OR51M1: variants seen among roughly 807,000 people sequenced by gnomAD.
OR51M1 encodes olfactory receptor family 51 subfamily M member 1.
For missense variants in OR51M1, 509 were observed against 404.4 expected (o/e 1.26, Z -2.22); for synonymous variants, 199 against 155.1 (o/e 1.28, Z -2.10).
chr11:5,388,092 GAAT>G (rs952662122), intron 2 of OR51M1, among the ~76,000 whole-genome samples: 9 of 151,840 alleles, frequency 5.9e-5, no homozygotes, highest in Middle Eastern at 3.2e-3. Context: ...ATCAATTAAT[GAAT>G]AATTATTGAA....
At chr11:5,385,801 TAAAAAA>T (rs1849682360) in intron 2 of OR51M1, among the ~76,000 whole-genome samples, 1 of 142,186 alleles carries the variant, frequency 7.0e-6, no homozygotes, top group South Asian at 2.2e-4. Context: ...TACTTATATA[TAAAAAA>T]TCTATAAAGT....
Position 5,390,088 on chromosome 11 carries a change from T to G in OR51M1, c.690T>G (p.Tyr230Ter). ...ACCTGGTGCTCATCGCACTGTCCTATGGACTCATCCTGCACACAGTAGCAG... is the reference window on the plus strand; with the variant it reads ...ACCTGGTGCTCATCGCACTGTCCTAGGGACTCATCCTGCACACAGTAGCAG... ...MLDLVLIALS[Y>*]GLILHTVAGL... The change falls in exon 3 of 3, where the codon TAT (tyrosine) becomes TAG (stop). Residue 230 changes from tyrosine (Y) to a stop codon, truncating the protein, a stop_gained. Coordinates refer to ENST00000642046, the MANE Select transcript of OR51M1 (RefSeq NM_001004756.3). LOFTEE classifies it low-confidence loss of function (END_TRUNC). The G allele has an allele frequency of 6.2e-7, 1 of 1,613,804 alleles. No individual in the cohort carries two copies. Among genetic ancestry groups the G allele is most frequent in the Non-Finnish European group, 8.5e-7 (1 of 1,179,906 alleles).
At chr11:5,386,401 G>T (rs958107271) in intron 2 of OR51M1, among the ~76,000 whole-genome samples, 1 of 152,134 alleles carries the variant, frequency 6.6e-6, no homozygotes, top group Non-Finnish European at 1.5e-5. Context: ...GCCTTGGGAT[G>T]ATTGTTTACC....
At position 5,383,859 on chromosome 11, in the gene OR51M1, C is replaced by T. The variant is rs1184351596; in HGVS notation, c.-180C>T. 1 of 152,216 alleles carries T rather than the reference C, an allele frequency of 6.6e-6. No homozygotes were observed. The highest frequency in any genetic ancestry group is 2.1e-4 in the South Asian group (1 of 4,830). 9.4% of individuals were successfully genotyped at this position (152,216 alleles called of 1,614,324 possible). A position where few individuals can be genotyped will look rare whatever the true frequency, so the allele number is the denominator to read the frequency against. ...GACCCTTGTGTCATCCTTATCTATA[C>T]TCTTCTTTCTTCCTTTGGAACCTAC... On this transcript the variant is annotated 5_prime_UTR_variant, in exon 1 of 3. Transcript: ENST00000642046.
chr11:5,384,185 T>C (rs1849651158), intron 1 of OR51M1, among the ~76,000 whole-genome samples: 1 of 152,212 alleles, frequency 6.6e-6, no homozygotes, highest in African/African-American at 2.4e-5. Flanking sequence ...CTTTGTTTGT[T>C]GTTTTTAGAA....
At position 5,390,151 on chromosome 11, in the gene OR51M1, G is replaced by A; in HGVS notation, c.753G>A (p.Gln251=). The A allele has an allele frequency of 1.2e-6, 2 of 1,613,874 alleles. No homozygotes were observed. Among genetic ancestry groups the A allele is most frequent in the South Asian group, 2.2e-5 (2 of 91,074 alleles). ...ASQEEQRRAF[Q]TCTAPLCAVL... Reference sequence around the variant, plus strand: ...AAGAGGAGCAGCGCCGTGCCTTTCAGACATGCACCGCTCCTCTCTGTGCTG... The same window carrying A: ...AAGAGGAGCAGCGCCGTGCCTTTCAAACATGCACCGCTCCTCTCTGTGCTG... Residue 251 remains glutamine (Q), a synonymous_variant, in exon 3 of 3, where the codon CAG becomes CAA. Transcript: ENST00000642046.
chr11:5,386,746 C>A (rs1849701263), intron 2 of OR51M1, among the ~76,000 whole-genome samples: 1 of 151,246 alleles, frequency 6.6e-6, no homozygotes, highest in African/African-American at 2.4e-5. Flanking sequence ...AGGACATTGG[C>A]TACAGAGATG....
At chr11:5,387,441 A>G (rs1849713215) in intron 2 of OR51M1, among the ~76,000 whole-genome samples, 1 of 152,146 alleles carries the variant, frequency 6.6e-6, no homozygotes, top group African/African-American at 2.4e-5. Flanking sequence ...AAGAAATGGA[A>G]AAGATAAATG....
intron 2 of OR51M1, among the ~76,000 whole-genome samples, chr11:5,389,104 G>A (rs7935520): frequency 0.79 from 119,233 of 151,694 alleles, 47,232 homozygotes; most frequent in Middle Eastern, 0.84. Context: ...ATAGAATATG[G>A]CCAGGAAATT....
intron 2 of OR51M1, among the ~76,000 whole-genome samples, chr11:5,386,702 G>A (rs573830338): frequency 2.6e-5 from 4 of 151,992 alleles, no homozygotes; most frequent in South Asian, 2.1e-4. Flanking sequence ...TTGAATGACA[G>A]GTCAGGCAAG....
rs117733673 is a variant in OR51M1, at chr11:5,391,973, G to C, written c.*1594G>C. 2.0e-5 allele frequency: 3 copies of C among 152,270 alleles called. No individual in the cohort carries two copies. Among genetic ancestry groups the C allele is most frequent in the Non-Finnish European group, 4.4e-5 (3 of 68,100 alleles). The allele number at this position is 152,270 out of a possible 1,614,324, so 9.4% of individuals were successfully genotyped here. A position where few individuals can be genotyped will look rare whatever the true frequency, so the allele number is the denominator to read the frequency against. ...AGTCTCAGCTACCTGGGAGGCTGAG[G>C]TGGGAAGAATGCTTGAGCCCAGGAG... On this transcript the variant is annotated 3_prime_UTR_variant, in exon 3 of 3. Coordinates refer to ENST00000642046, the MANE Select transcript of OR51M1 (RefSeq NM_001004756.3).
At chr11:5,387,968 AAAGT>A (rs1194584792) in intron 2 of OR51M1, among the ~76,000 whole-genome samples, 18 of 152,116 alleles carry the variant, frequency 1.2e-4, no homozygotes, top group Admixed American at 1.0e-3. Flanking sequence ...CCTAGGTGTA[AAAGT>A]AATTGCAGTT....
Position 5,390,643 on chromosome 11 carries a change from T to C in OR51M1, c.*264T>C. The C allele has an allele frequency of 5.0e-6, 2 of 402,326 alleles. No homozygotes were observed. The highest frequency in any genetic ancestry group is 8.8e-6 in the Non-Finnish European group (2 of 226,812). 24.9% of individuals were successfully genotyped at this position (402,326 alleles called of 1,614,324 possible). ...AAGGCAACTTTATTGAAGGTCATCA[T>C]CAATGTAACTAAAACTAAAATGAAA... On this transcript the variant is annotated 3_prime_UTR_variant, in exon 3 of 3. Transcript: ENST00000642046.
rs1498468 is a variant in OR51M1 at position 5,389,801 on chromosome 11, C to T, written c.403C>T (p.Leu135Phe). The change falls in exon 3 of 3, where the codon CTT becomes TTT. Residue 135 changes from leucine (L) to phenylalanine (F), a missense_variant. Physicochemically the swap from Leu to Phe is conservative, Grantham distance 22. Coordinates refer to ENST00000642046, the MANE Select transcript of OR51M1 (RefSeq NM_001004756.3). ...SVLLMMSFDR[L>F]VAICHPLRYS... ...GCTCCTCATGATGTCCTTTGACCGC[C>T]TTGTGGCCATCTGCCACCCTCTGAG... The T allele has an allele frequency of 0.8, 1,288,314 of 1,613,746 alleles. 517,613 individuals carry two copies. The highest frequency in any genetic ancestry group is 0.83 in the Middle Eastern group (5,009 of 6,062).
chr11:5,386,158 TG>T (rs1026659898), intron 2 of OR51M1, among the ~76,000 whole-genome samples: 1 of 151,922 alleles, frequency 6.6e-6, no homozygotes, highest in African/African-American at 2.4e-5. Flanking sequence ...AAAACAGGGG[TG>T]GTTTTTGCCA....
At chr11:5,387,315 C>G (rs1849710223) in intron 2 of OR51M1, among the ~76,000 whole-genome samples, 1 of 152,070 alleles carries the variant, frequency 6.6e-6, no homozygotes. Context: ...GATTAAGACT[C>G]TCCATTGCAT....
In OR51M1 at chr11:5,386,216, G is replaced by T. The variant is rs144939696; in HGVS notation, c.-16+758G>T. 2.0e-5 allele frequency among the ~76,000 whole-genome samples: 3 copies of T among 152,202 alleles called. No homozygotes were observed. In the East Asian group the frequency reaches 5.8e-4, roughly 29 times the overall value. The stretch of plus-strand genomic sequence containing the variant: ...AATAAAAACAAGAAAAGTATGTGTA[G>T]GGAATTGAAGAAAAAAATGATATGG... On this transcript the variant is annotated intron_variant, in intron 2 of 2. Transcript: ENST00000642046.
At position 5,389,540 on chromosome 11, in the gene OR51M1, A is replaced by G; in HGVS notation, c.142A>G (p.Met48Val). 6.2e-7 allele frequency: 1 copy of G among 1,613,906 alleles called. No homozygotes were observed. Among genetic ancestry groups the G allele is most frequent in the Non-Finnish European group, 8.5e-7 (1 of 1,179,870 alleles). ...WIFIPFFFMY[M>V]VAISGNCFIL... Reference sequence around the variant, plus strand: ...TTTCATCCCCTTTTTCTTTATGTACATGGTTGCCATCTCAGGCAATTGTTT... The same window carrying G: ...TTTCATCCCCTTTTTCTTTATGTACGTGGTTGCCATCTCAGGCAATTGTTT... The change falls in exon 3 of 3, where the codon ATG becomes GTG. Residue 48 changes from methionine (M) to valine (V), a missense_variant. Physicochemically the swap from Met to Val is conservative, Grantham distance 21. Transcript: ENST00000642046.
chr11:5,390,483 C>T lies in OR51M1; in HGVS notation c.*104C>T, dbSNP rs1043359259. The T allele has an allele frequency of 3.9e-6, 4 of 1,016,664 alleles. No individual in the cohort carries two copies. The highest frequency in any genetic ancestry group is 4.2e-6 in the Non-Finnish European group (3 of 722,638). 63.0% of individuals were successfully genotyped at this position (1,016,664 alleles called of 1,614,324 possible). A position where few individuals can be genotyped will look rare whatever the true frequency, so the allele number is the denominator to read the frequency against. Reference sequence around the variant, plus strand: ...AGCATGCTCTTAAAGATTTTTTGCCCCTGTCCTAAATAAAATATGGGCAAA... The same window carrying T: ...AGCATGCTCTTAAAGATTTTTTGCCTCTGTCCTAAATAAAATATGGGCAAA... On this transcript the variant is annotated 3_prime_UTR_variant, in exon 3 of 3. Coordinates refer to ENST00000642046, the MANE Select transcript of OR51M1 (RefSeq NM_001004756.3).
Sources: allele counts gnomAD v4.1 joint callset (sites outside exome capture counted in the v4.1 genomes callset), GRCh38; gene constraint gnomAD v4.1.1; transcripts MANE v1.5; gene names NCBI Gene and HGNC (gene_info 2026-07-23, HGNC 2026-07-21).